The following GABRA4 variants were observed in gnomAD, a reference collection of about 807,000 sequenced individuals.
The protein encoded by GABRA4 is gamma-aminobutyric acid type A receptor subunit alpha4.
A neutral mutation model predicts 49.7 loss-of-function variants in GABRA4; 12 were observed. The ratio of observed to expected loss-of-function variants is 0.24; its 90% CI spans 0.15 to 0.39. The LOEUF is 0.39. Ranked by LOEUF, GABRA4 falls within the 10% of genes least tolerant of loss-of-function variation. The pLI is 1.00. For synonymous variants in GABRA4, 288 were observed against 240.2 expected (o/e 1.20, Z -1.84); for missense variants, 506 against 686.0 (o/e 0.74, Z 2.93).
intron 2 of GABRA4, among the ~76,000 whole-genome samples, chr4:46,990,153 C>T (rs1723690950): frequency 6.6e-6 from 1 of 152,158 alleles, no homozygotes; most frequent in African/African-American, 2.4e-5. Flanking sequence ...CCATATTATG[C>T]TATTTAGTAA....
chr4:46,974,713 G>A (rs1038068866), intron 5 of GABRA4, among the ~76,000 whole-genome samples: 1 of 151,886 alleles, frequency 6.6e-6, no homozygotes, highest in African/African-American at 2.4e-5. Context: ...CAGTTCAAAA[G>A]CAGATATATT....
intron 2 of GABRA4, among the ~76,000 whole-genome samples, chr4:46,985,835 A>C (rs954528866): frequency 6.6e-6 from 1 of 151,928 alleles, no homozygotes; most frequent in Non-Finnish European, 1.5e-5. Context: ...TCTGAATTCA[A>C]ACTTCTCTTG....
chr4:46,938,666 C>T (rs1263979911), intron 8 of GABRA4, among the ~76,000 whole-genome samples: 2 of 151,982 alleles, frequency 1.3e-5, no homozygotes, highest in African/African-American at 4.8e-5. Context: ...ACTGAACATA[C>T]ACATTTATAA....
chr4:46,930,742 A>T (rs917691605), intron 8 of GABRA4, among the ~76,000 whole-genome samples: 1 of 151,940 alleles, frequency 6.6e-6, no homozygotes, highest in Non-Finnish European at 1.5e-5. Flanking sequence ...ACCAAATTCT[A>T]AGGACTGGAG....
At chr4:46,959,818 G>GTATATA (rs34315359) in intron 8 of GABRA4, among the ~76,000 whole-genome samples, 47 of 138,156 alleles carry the variant, frequency 3.4e-4, no homozygotes, top group East Asian at 1.7e-3. Context: ...CAAAAATTAT[G>GTATATA]TATATATATA....
intron 8 of GABRA4, among the ~76,000 whole-genome samples, chr4:46,941,765 G>A (rs1577752431): frequency 2.0e-5 from 3 of 152,078 alleles, no homozygotes; most frequent in East Asian, 3.9e-4. Flanking sequence ...CAGCATTCTT[G>A]GAGCAACACT....
intron 8 of GABRA4, among the ~76,000 whole-genome samples, chr4:46,959,758 C>CAAAAAAA (rs67861758): frequency 1.5e-3 from 126 of 82,456 alleles, no homozygotes; most frequent in African/African-American, 4.0e-3. Flanking sequence ...CATCACTTTG[C>CAAAAAAA]AAAAAAAAAA....
intron 8 of GABRA4, among the ~76,000 whole-genome samples, chr4:46,964,313 A>G (rs1186851911): frequency 6.6e-6 from 1 of 151,812 alleles, no homozygotes; most frequent in Non-Finnish European, 1.5e-5. Flanking sequence ...ATTAATGGGT[A>G]CAAAGTAATA....
chr4:46,932,008 C>T (rs547654077), intron 8 of GABRA4, among the ~76,000 whole-genome samples: 4 of 152,034 alleles, frequency 2.6e-5, no homozygotes, highest in African/African-American at 4.8e-5. Flanking sequence ...TTTTGTTATG[C>T]AATATTATTG....
chr4:46,945,170 A>G (rs1721941280), intron 8 of GABRA4, among the ~76,000 whole-genome samples: 1 of 152,140 alleles, frequency 6.6e-6, no homozygotes, highest in African/African-American at 2.4e-5. Context: ...TTCCTGGGCC[A>G]TGATAGTAGT....
At chr4:46,966,156 A>G (rs982798980) in intron 7 of GABRA4, among the ~76,000 whole-genome samples, 1 of 151,768 alleles carries the variant, frequency 6.6e-6, no homozygotes, top group Non-Finnish European at 1.5e-5. Flanking sequence ...CTGCATCTAT[A>G]TATGTCTGTC....
chr4:46,983,433 A>T (rs187777450), intron 2 of GABRA4, among the ~76,000 whole-genome samples: 1 of 152,242 alleles, frequency 6.6e-6, no homozygotes, highest in East Asian at 1.9e-4. Context: ...TGCCTTGCAC[A>T]TATTAGGCGT....
chr4:46,977,179 T>G, intron 4 of GABRA4, 36 bp from the exon 5 acceptor site: 2 of 1,366,626 alleles, frequency 1.5e-6, no homozygotes, highest in Admixed American at 3.7e-5. Flanking sequence ...AAATCAACCC[T>G]TTTAAAGAAT....
intron 5 of GABRA4, among the ~76,000 whole-genome samples, chr4:46,976,246 T>C (rs1723134628): frequency 6.7e-6 from 1 of 148,500 alleles, no homozygotes; most frequent in Admixed American, 6.9e-5. Context: ...CACACTTTCC[T>C]CTCTAGTACC....
In GABRA4 at chr4:46,919,966, C is replaced by G. The variant is rs1228823945; in HGVS notation, c.*8259G>C. 6.6e-6 allele frequency: 1 copy of G among 151,656 alleles called. No individual in the cohort carries two copies. The highest frequency in any genetic ancestry group is 1.5e-5 in the Non-Finnish European group (1 of 67,666). 9.4% of individuals were successfully genotyped at this position (151,656 alleles called of 1,614,324 possible). On this transcript the variant is annotated 3_prime_UTR_variant, in exon 9 of 9. Coordinates refer to ENST00000264318, the MANE Select transcript of GABRA4 (RefSeq NM_000809.4). Reference sequence around the variant, plus strand: ...ACCTTATCAACCAACAATTATTTTTCTGCCCCTTGAAAAATGAAAGCTCTG... The same window carrying G: ...ACCTTATCAACCAACAATTATTTTTGTGCCCCTTGAAAAATGAAAGCTCTG...
At chr4:46,987,077 T>A (rs1414072806) in intron 2 of GABRA4, among the ~76,000 whole-genome samples, 1 of 152,124 alleles carries the variant, frequency 6.6e-6, no homozygotes. Context: ...GACTTGTCCC[T>A]GCTAAAATCT....
intron 8 of GABRA4, among the ~76,000 whole-genome samples, chr4:46,942,480 C>A (rs1026594960): frequency 2.0e-5 from 3 of 151,980 alleles, no homozygotes; most frequent in African/African-American, 7.2e-5. Flanking sequence ...CAAAAATTAG[C>A]CAGACGTGGT....
In GABRA4 at chr4:46,965,222, T is replaced by A. The variant is rs746391941; in HGVS notation, c.882A>T (p.Thr294=). The A allele has an allele frequency of 4.1e-6, 6 of 1,470,688 alleles. No individual in the cohort carries two copies. Among genetic ancestry groups the A allele is most frequent in the Non-Finnish European group, 5.4e-6 (6 of 1,102,428 alleles). The allele number at this position is 1,470,688 out of a possible 1,614,324, so 91.1% of individuals were successfully genotyped here. ...TTAGTGTGGTCATGGTGAGGACAGTTGTTATTCCTTCAAAGCAAAAGAGCA... is the reference window on the plus strand; with the variant it reads ...TTAGTGTGGTCATGGTGAGGACAGTAGTTATTCCTTCAAAGCAAAAGAGCA... ...SVPARTVFGI[T]TVLTMTTLSI... Residue 294 remains threonine (T), a synonymous_variant, in exon 8 of 9, where the codon ACA becomes ACT. Transcript: ENST00000264318.
In GABRA4 at chr4:46,919,253, A is replaced by G. The variant is rs1720887282; in HGVS notation, c.*8972T>C. The G allele has an allele frequency of 2.6e-5, 4 of 151,732 alleles. No homozygotes were observed. The South Asian group carries it at 8.3e-4, about 31-fold the overall frequency. 9.4% of individuals were successfully genotyped at this position (151,732 alleles called of 1,614,324 possible). Reference sequence around the variant, plus strand: ...AATCATTTCCTGATGAATTACTTTAAAATAGTAAACCAATATTTGATAATG... The same window carrying G: ...AATCATTTCCTGATGAATTACTTTAGAATAGTAAACCAATATTTGATAATG... On this transcript the variant is annotated 3_prime_UTR_variant, in exon 9 of 9. Transcript: ENST00000264318.
Sources: allele counts gnomAD v4.1 joint callset (sites outside exome capture counted in the v4.1 genomes callset), GRCh38; gene constraint gnomAD v4.1.1; transcripts MANE v1.5; gene names NCBI Gene and HGNC (gene_info 2026-07-23, HGNC 2026-07-21).